Variants in CNGA1 observed in about 807,000 individuals in gnomAD.
CNGA1 encodes the protein cyclic nucleotide gated channel subunit alpha 1, also known as cyclic nucleotide-gated channel alpha-1.
A neutral mutation model predicts 69.7 loss-of-function variants in CNGA1; 53 were observed. The ratio of observed to expected loss-of-function variants is 0.76; its 90% CI spans 0.61 to 0.96. CNGA1 has a LOEUF of 0.96. CNGA1 is among the 40% of genes least tolerant of loss of function. The pLI, the probability that CNGA1 is intolerant of heterozygous loss-of-function variation, is 0.00. For synonymous variants in CNGA1, 249 were observed against 283.5 expected (o/e 0.88, Z 1.22); for missense variants, 739 against 811.2 (o/e 0.91, Z 1.08).
chr4:47,997,940 T>A (rs1314226984), intron 2 of CNGA1, among the ~76,000 whole-genome samples: 3 of 152,110 alleles, frequency 2.0e-5, no homozygotes, highest in Non-Finnish European at 4.4e-5. Context: ...AATACCCCAA[T>A]ACACCCACCA....
chr4:47,968,907 C>G (rs1391766455), intron 3 of CNGA1, among the ~76,000 whole-genome samples: 3 of 152,002 alleles, frequency 2.0e-5, no homozygotes, highest in Non-Finnish European at 4.4e-5. Context: ...AGAAATTAAA[C>G]TGGTTTAATT....
At chr4:47,969,484 T>C (rs1458570918) in intron 3 of CNGA1, among the ~76,000 whole-genome samples, 1 of 152,192 alleles carries the variant, frequency 6.6e-6, no homozygotes, top group Non-Finnish European at 1.5e-5. Context: ...TTTTTTGTTT[T>C]TTTTAGATGG....
At chr4:48,015,147 C>A (rs539068320) in intron 1 of CNGA1, among the ~76,000 whole-genome samples, 1 of 152,256 alleles carries the variant, frequency 6.6e-6, no homozygotes, top group Admixed American at 6.5e-5. Context: ...CACTGCACTC[C>A]AGCCTGGGCG....
chr4:47,945,936 C>A (rs555955031), intron 6 of CNGA1, among the ~76,000 whole-genome samples: 1 of 151,884 alleles, frequency 6.6e-6, no homozygotes, highest in African/African-American at 2.4e-5. Flanking sequence ...GTGATCATTT[C>A]TCCAGTTCCT....
Position 47,952,435 on chromosome 4 carries a change from G to A in CNGA1, c.107+148C>T, listed in dbSNP as rs1739804147. On this transcript the variant is annotated intron_variant, in intron 4 of 10. Coordinates refer to ENST00000514170, the MANE Select transcript of CNGA1 (RefSeq NM_001379270.1). ...AAATCTATGTTCATTTGTTAGACAA[G>A]TTATGCAGTTCCAAAGTGTAAATAA... 9.7e-6 allele frequency: 4 copies of A among 414,138 alleles called. No individual in the cohort carries two copies. The South Asian group carries it at 2.1e-4, about 22-fold the overall frequency. The allele number at this position is 414,138 out of a possible 1,614,324, so 25.7% of individuals were successfully genotyped here.
rs150853612 is a variant in CNGA1, at chr4:47,973,740, C to T, written c.-15+7653G>A. Among the ~76,000 whole-genome samples the T allele has an allele frequency of 3.2e-3, 482 of 151,616 alleles. 6 individuals are homozygous for T. The highest frequency in any genetic ancestry group is 0.011 in the African/African-American group (464 of 41,336). ...GTGCAGAAGAGTAGGCACTAAATTA[C>T]ATAGCTACCTCTGGACAGTAGTATT... On this transcript the variant is annotated intron_variant, in intron 3 of 10. Coordinates refer to ENST00000514170, the MANE Select transcript of CNGA1 (RefSeq NM_001379270.1).
chr4:47,980,731 C>T (rs1159279805), intron 3 of CNGA1, among the ~76,000 whole-genome samples: 1 of 152,094 alleles, frequency 6.6e-6, no homozygotes, highest in African/African-American at 2.4e-5. Flanking sequence ...ACTCCAGCCT[C>T]CCAGAGTGCT....
chr4:47,949,868 T>A lies in CNGA1; in HGVS notation c.252A>T (p.Ala84=), dbSNP rs772943595. The A allele has an allele frequency of 6.2e-7, 1 of 1,614,076 alleles. No individual in the cohort carries two copies. The highest frequency in any genetic ancestry group is 1.1e-5 in the South Asian group (1 of 91,084). Residue 84 remains alanine, a synonymous_variant, in exon 6 of 11, where the codon GCA becomes GCT. Transcript: ENST00000514170. The part of the protein sequence containing the change: ...QREQYLPGAI[A]LFNVNNSSNK... ...TGCTGCTGTTGTTCACATTAAAAAG[T>A]GCAATGGCACCAGGCAGGTACTGCT...
At chr4:48,001,266 G>A (rs1714653712) in intron 2 of CNGA1, among the ~76,000 whole-genome samples, 1 of 152,162 alleles carries the variant, frequency 6.6e-6, no homozygotes, top group African/African-American at 2.4e-5. Context: ...AGGAGTTCGA[G>A]ACCAGCCTGT....
chr4:47,943,508 A>G, intron 6 of CNGA1, 96 bp from the exon 7 acceptor site: 1 of 800,984 alleles, frequency 1.2e-6, no homozygotes, highest in Non-Finnish European at 1.9e-6. Context: ...TTTGCATTCA[A>G]AGACCTGCTC....
At chr4:47,988,895 G>C (rs1272098688) in intron 2 of CNGA1, among the ~76,000 whole-genome samples, 1 of 151,762 alleles carries the variant, frequency 6.6e-6, no homozygotes, top group Non-Finnish European at 1.5e-5. Flanking sequence ...CATATAAGCG[G>C]ACCCATGTAG....
intron 3 of CNGA1, among the ~76,000 whole-genome samples, chr4:47,955,099 C>G (rs1739985785): frequency 6.6e-6 from 1 of 151,772 alleles, no homozygotes; most frequent in Non-Finnish European, 1.5e-5. Flanking sequence ...TGTGTACATG[C>G]CTCAGTGACT....
At position 47,937,362 on chromosome 4, in the gene CNGA1, C is replaced by A; in HGVS notation, c.1120G>T (p.Val374Leu). ...PPVRDSEYVF[V>L]VVDFLIGVLI... is the part of the protein sequence containing the mutation. ...ACTCCAATTAGGAAATCAACCACCA[C>A]AAAGACATACTCAGAATCCCTCACG... The change falls in exon 11 of 11, where the codon GTG becomes TTG. Residue 374 changes from valine (V) to leucine (L), a missense_variant. Physicochemically the swap from Val to Leu is conservative, Grantham distance 32. Coordinates refer to ENST00000514170, the MANE Select transcript of CNGA1 (RefSeq NM_001379270.1). The A allele has an allele frequency of 6.2e-7, 1 of 1,614,156 alleles. No individual in the cohort carries two copies. Among genetic ancestry groups the A allele is most frequent in the Non-Finnish European group, 8.5e-7 (1 of 1,180,036 alleles).
rs192912733 is a variant in CNGA1 at position 47,937,223 on chromosome 4, C to A, written c.1259G>T (p.Arg420Leu). ...CTTTTCCATATCTTTGCTTACATTT[C>A]GAAAATGCATATATTGCTTGATAGC... is the stretch of plus-strand genomic sequence containing the variant. ...IDAIKQYMHF[R>L]NVSKDMEKRV... Residue 420 changes from arginine (R) to leucine (L), a missense_variant, in exon 11 of 11, where the codon CGA (arginine) becomes CTA (leucine). Physicochemically the swap from Arg to Leu is moderately radical, Grantham distance 102. Transcript: ENST00000514170. 22 of 1,614,032 alleles carry A rather than the reference C, an allele frequency of 1.4e-5. No individual in the cohort carries two copies. Among genetic ancestry groups the A allele is most frequent in the Non-Finnish European group, 1.8e-5 (21 of 1,180,014 alleles).
At chr4:47,997,155 G>A (rs907618864) in intron 2 of CNGA1, among the ~76,000 whole-genome samples, 1 of 152,142 alleles carries the variant, frequency 6.6e-6, no homozygotes. Flanking sequence ...GTCCATAGTG[G>A]AAATATTGTT....
intron 2 of CNGA1, among the ~76,000 whole-genome samples, chr4:47,982,699 T>C (rs1250069601): frequency 6.6e-6 from 1 of 152,190 alleles, no homozygotes; most frequent in Non-Finnish European, 1.5e-5. Context: ...TCTAATGCGT[T>C]CTTTTTAAGA....
chr4:47,939,021 A>AGAAAG (rs1560618895), intron 10 of CNGA1, among the ~76,000 whole-genome samples: 72 of 147,712 alleles, frequency 4.9e-4, no homozygotes, highest in African/African-American at 1.8e-3. Context: ...GAGAAAGAAG[A>AGAAAG]AAGAAAGAAA....
At chr4:47,966,820 A>C (rs1210455629) in intron 3 of CNGA1, among the ~76,000 whole-genome samples, 2 of 152,348 alleles carry the variant, frequency 1.3e-5, no homozygotes, top group South Asian at 2.1e-4. Context: ...AGTAATCAAT[A>C]AGATTCACAA....
chr4:47,994,346 AT>A (rs1742391313), intron 2 of CNGA1, among the ~76,000 whole-genome samples: 1 of 152,110 alleles, frequency 6.6e-6, no homozygotes, highest in Admixed American at 6.5e-5. Context: ...TGCTTTATAA[AT>A]TTGGGAGCTC....
Sources: allele counts gnomAD v4.1 joint callset (sites outside exome capture counted in the v4.1 genomes callset), GRCh38; gene constraint gnomAD v4.1.1; transcripts MANE v1.5; gene names NCBI Gene and HGNC (gene_info 2026-07-23, HGNC 2026-07-21).